TSHZ2: variants seen among roughly 807,000 people sequenced by gnomAD.
TSHZ2 encodes teashirt homolog 2.
TSHZ2 carries 21 observed loss-of-function variants against 74.4 expected under a neutral mutation model. The observed-to-expected ratio is 0.28, with a 90% CI of 0.20 to 0.41. The LOEUF is 0.41. TSHZ2 is among the 10% of genes least tolerant of loss of function. TSHZ2 has a pLI of 1.00. For synonymous variants in TSHZ2, 540 were observed against 515.3 expected, an observed-to-expected ratio of 1.05 and a Z score of -0.65; for missense variants, 1,244 against 1,293.5, an observed-to-expected ratio of 0.96 and a Z score of 0.59.
chr20:53,169,546 A>G (rs1988142094), intron 1 of TSHZ2, among the ~76,000 whole-genome samples: 1 of 152,226 alleles, frequency 6.6e-6, no homozygotes. Context: ...TTTTTTAACT[A>G]CATCGCCAAG....
intron 1 of TSHZ2, among the ~76,000 whole-genome samples, chr20:52,980,424 G>GAAA (rs1205437592): frequency 1.4e-5 from 2 of 143,802 alleles, no homozygotes; most frequent in African/African-American, 5.4e-5. Context: ...AGGTGGGTTT[G>GAAA]AAGAAAAAAA....
At chr20:53,341,611 C>T (rs569834016) in intron 2 of TSHZ2, among the ~76,000 whole-genome samples, 24 of 152,168 alleles carry the variant, frequency 1.6e-4, no homozygotes, top group South Asian at 1.0e-3. Flanking sequence ...AGGCTTAAAC[C>T]GCCATACCCG....
At chr20:53,340,920 A>G (rs1453893485) in intron 2 of TSHZ2, among the ~76,000 whole-genome samples, 3 of 152,072 alleles carry the variant, frequency 2.0e-5, no homozygotes, top group African/African-American at 7.2e-5. Context: ...CAACTCCTCA[A>G]TCTGAAAAAA....
intron 2 of TSHZ2, among the ~76,000 whole-genome samples, chr20:53,309,618 T>A (rs979157659): frequency 2.0e-5 from 3 of 152,226 alleles, no homozygotes; most frequent in Non-Finnish European, 4.4e-5. Flanking sequence ...GTATATGTCA[T>A]GTACATCTCC....
intron 1 of TSHZ2, among the ~76,000 whole-genome samples, chr20:52,979,247 G>T (rs1025550895): frequency 1.3e-5 from 2 of 151,862 alleles, no homozygotes; most frequent in South Asian, 4.2e-4. Flanking sequence ...TGAGAAGAAC[G>T]TTTAGAGATA....
intron 1 of TSHZ2, among the ~76,000 whole-genome samples, chr20:53,039,578 G>A (rs1297569871): frequency 6.6e-6 from 1 of 152,084 alleles, no homozygotes; most frequent in Non-Finnish European, 1.5e-5. Context: ...AAGCAAAAGA[G>A]TGAATAGTTG....
chr20:53,099,328 T>C (rs1397898354), intron 1 of TSHZ2, among the ~76,000 whole-genome samples: 3 of 152,154 alleles, frequency 2.0e-5, no homozygotes, highest in Admixed American at 6.5e-5. Flanking sequence ...CTAGTGCTTG[T>C]AGAGGGCCTT....
At chr20:53,408,323 T>C (rs1326094198) in intron 2 of TSHZ2, among the ~76,000 whole-genome samples, 1 of 152,162 alleles carries the variant, frequency 6.6e-6, no homozygotes, top group Non-Finnish European at 1.5e-5. Context: ...ACCACATTAG[T>C]GGAGAAAAGC....
intron 2 of TSHZ2, among the ~76,000 whole-genome samples, chr20:53,286,609 G>T (rs571465985): frequency 6.6e-6 from 1 of 152,162 alleles, no homozygotes; most frequent in African/African-American, 2.4e-5. Context: ...GTAAAAACAG[G>T]CACAGTAGCT....
At position 53,488,853 on chromosome 20, in the gene TSHZ2, T is replaced by A; in HGVS notation, c.*1718T>A. The A allele has an allele frequency of 3.0e-6, 1 of 332,796 alleles. No individual in the cohort carries two copies. The highest frequency in any genetic ancestry group is 2.4e-5 in the South Asian group (1 of 41,748). The allele number at this position is 332,796 out of a possible 1,614,324, so 20.6% of individuals were successfully genotyped here. A position where few individuals can be genotyped will look rare whatever the true frequency, so the allele number is the denominator to read the frequency against. On this transcript the variant is annotated 3_prime_UTR_variant, in exon 3 of 3. Transcript: ENST00000371497. ...TTGGGATTAAAAAAAAAAAAAAACT[T>A]CTTATTTACCTCCTAGGGAAAGTGT...
chr20:53,389,359 C>T (rs1397529077), intron 2 of TSHZ2, among the ~76,000 whole-genome samples: 1 of 152,220 alleles, frequency 6.6e-6, no homozygotes, highest in African/African-American at 2.4e-5. Context: ...AGCTCAACTC[C>T]TACACGATTG....
At chr20:53,167,664 A>G (rs1467956725) in intron 1 of TSHZ2, among the ~76,000 whole-genome samples, 1 of 152,184 alleles carries the variant, frequency 6.6e-6, no homozygotes, top group Non-Finnish European at 1.5e-5. Flanking sequence ...AGTTTAATTC[A>G]TAATGTCTTA....
rs1988506651 is a variant in TSHZ2 at position 53,182,556 on chromosome 20, TAAGTC to T, written c.41-70938_41-70934del. Among the ~76,000 whole-genome samples, 5 of 152,354 alleles carry T rather than the reference TAAGTC, an allele frequency of 3.3e-5. No homozygotes were observed. In the South Asian group the frequency reaches 1.0e-3, roughly 32 times the overall value. ...TGACTAAATGATTATTTAATGGTAT[TAAGTC>T]AAGTAAAGGGATCAAATTATTTAAC... On this transcript the variant is annotated intron_variant, in intron 1 of 2. Coordinates refer to ENST00000371497, the MANE Select transcript of TSHZ2 (RefSeq NM_173485.6).
At chr20:53,391,484 T>TG (rs962414478) in intron 2 of TSHZ2, among the ~76,000 whole-genome samples, 2 of 151,736 alleles carry the variant, frequency 1.3e-5, no homozygotes, top group African/African-American at 2.4e-5. Context: ...TTTTTGTTTT[T>TG]TTTTTTTTAC....
Position 53,088,693 on chromosome 20 carries a change from C to T in TSHZ2, c.40+115360C>T, listed in dbSNP as rs180862145. Among the ~76,000 whole-genome samples, 191 of 152,146 alleles carry T rather than the reference C, an allele frequency of 1.3e-3. 1 individual carries two copies. The highest frequency in any genetic ancestry group is 1.4e-3 in the Non-Finnish European group (97 of 68,014). ...ACTTCCCTTTCCCCCATATGAATTC[C>T]ACTATGGATTGACATATGGCATATT... On this transcript the variant is annotated intron_variant, in intron 1 of 2. Transcript: ENST00000371497.
chr20:53,194,215 G>A (rs1028404973), intron 1 of TSHZ2, among the ~76,000 whole-genome samples: 1 of 152,274 alleles, frequency 6.6e-6, no homozygotes, highest in South Asian at 2.1e-4. Flanking sequence ...TTTGTTGGGA[G>A]CCTGCTGTTG....
At chr20:53,475,421 C>T (rs1224243241) in intron 2 of TSHZ2, among the ~76,000 whole-genome samples, 2 of 116,520 alleles carry the variant, frequency 1.7e-5, no homozygotes, top group Non-Finnish European at 3.5e-5. Flanking sequence ...GGGTACATAA[C>T]GAAATGAAGG....
intron 2 of TSHZ2, among the ~76,000 whole-genome samples, chr20:53,439,708 G>A (rs1984239355): frequency 6.6e-6 from 1 of 152,136 alleles, no homozygotes. Flanking sequence ...GAAGCGCTGT[G>A]TCTGTTCTTT....
At chr20:53,269,604 G>A (rs1266337810) in intron 2 of TSHZ2, among the ~76,000 whole-genome samples, 1 of 152,172 alleles carries the variant, frequency 6.6e-6, no homozygotes, top group Non-Finnish European at 1.5e-5. Flanking sequence ...AGGAGGAGGA[G>A]GATCTGATGA....
Sources: allele counts gnomAD v4.1 joint callset (sites outside exome capture counted in the v4.1 genomes callset), GRCh38; gene constraint gnomAD v4.1.1; transcripts MANE v1.5; gene names NCBI Gene and HGNC (gene_info 2026-07-23, HGNC 2026-07-21).